The following SGCD variants were observed in gnomAD, a reference collection of about 807,000 sequenced individuals.
The protein encoded by SGCD is delta-sarcoglycan.
A neutral mutation model predicts 36.6 loss-of-function variants in SGCD; 18 were observed. The observed-to-expected ratio is 0.49, with a 90% CI of 0.34 to 0.73. SGCD has a LOEUF of 0.73. Ranked by LOEUF, SGCD falls within the 30% of genes least tolerant of loss-of-function variation. The pLI is 0.01. For missense variants in SGCD, 387 were observed against 346.7 expected (o/e 1.12, Z -0.92); for synonymous variants, 133 against 130.6 (o/e 1.02, Z -0.12).
At chr5:155,791,905 CTA>C in the SGCD span, among the ~76,000 whole-genome samples, 1 of 152,100 alleles carries the variant, frequency 6.6e-6, no homozygotes, top group Non-Finnish European at 1.5e-5. Context: ...TTAGAAAAAA[CTA>C]TTCTAAAATT....
At chr5:156,367,726 G>A (rs1213155267) in intron 3 of SGCD, among the ~76,000 whole-genome samples, 1 of 152,192 alleles carries the variant, frequency 6.6e-6, no homozygotes, top group Admixed American at 6.5e-5. Flanking sequence ...AGCCAGACGG[G>A]GAGTTAGCAT....
chr5:156,156,268 G>T (rs536332318), intron 3 of SGCD, among the ~76,000 whole-genome samples: 3 of 151,596 alleles, frequency 2.0e-5, no homozygotes, highest in African/African-American at 7.3e-5. Context: ...TAGAACTAAG[G>T]CTTCCTTAGT....
intron 7 of SGCD, among the ~76,000 whole-genome samples, chr5:156,723,478 C>A (rs1232459441): frequency 6.6e-6 from 1 of 152,202 alleles, no homozygotes. Context: ...TCTCTTTGTG[C>A]AGTTAATATT....
At chr5:156,339,288 G>A (rs1385460756) in intron 2 of SGCD, among the ~76,000 whole-genome samples, 2 of 152,158 alleles carry the variant, frequency 1.3e-5, no homozygotes, top group African/African-American at 2.4e-5. Context: ...TGATCCTTAA[G>A]TCAAGTGGAT....
intron 1 of SGCD, among the ~76,000 whole-genome samples, chr5:155,881,251 G>T (rs1755877026): frequency 6.6e-6 from 1 of 151,284 alleles, no homozygotes; most frequent in South Asian, 2.1e-4. Flanking sequence ...TACAGGCATA[G>T]CTTGGAGAGA....
intron 3 of SGCD, among the ~76,000 whole-genome samples, chr5:156,435,974 T>C (rs1753223899): frequency 6.6e-6 from 1 of 152,186 alleles, no homozygotes; most frequent in Admixed American, 6.6e-5. Flanking sequence ...TGAATATTCT[T>C]TCCTCCAAGT....
chr5:156,028,655 A>G (rs1012170116), intron 1 of SGCD, among the ~76,000 whole-genome samples: 3 of 152,148 alleles, frequency 2.0e-5, no homozygotes, highest in East Asian at 1.9e-4. Flanking sequence ...TGATTTTCCT[A>G]TGCTTCTGTA....
intron 3 of SGCD, among the ~76,000 whole-genome samples, chr5:156,228,706 T>C (rs1387014821): frequency 6.7e-6 from 1 of 150,348 alleles, no homozygotes; most frequent in Non-Finnish European, 1.5e-5. Context: ...TACCGTGGTT[T>C]TTTGTTTTTG....
intron 7 of SGCD, among the ~76,000 whole-genome samples, chr5:156,677,042 A>G (rs1238255491): frequency 6.6e-6 from 1 of 152,148 alleles, no homozygotes; most frequent in Admixed American, 6.5e-5. Context: ...TAAACTTCTC[A>G]TTAGGAGAAC....
intron 3 of SGCD, among the ~76,000 whole-genome samples, chr5:156,188,208 G>A (rs1443344619): frequency 6.6e-6 from 1 of 152,196 alleles, no homozygotes; most frequent in Non-Finnish European, 1.5e-5. Context: ...AGCACCAGCT[G>A]TGTGCCTGGC....
chr5:155,990,257 CT>C (rs1325980855), intron 1 of SGCD, among the ~76,000 whole-genome samples: 1 of 152,060 alleles, frequency 6.6e-6, no homozygotes, highest in Non-Finnish European at 1.5e-5. Context: ...AAAAACATAC[CT>C]GTTTTATTTT....
chr5:156,211,599 C>T (rs1764445137), intron 3 of SGCD, among the ~76,000 whole-genome samples: 2 of 143,088 alleles, frequency 1.4e-5, no homozygotes, highest in Non-Finnish European at 3.0e-5. Flanking sequence ...CAGAGCGAGA[C>T]TCAGACTCAA....
intron 1 of SGCD, among the ~76,000 whole-genome samples, chr5:155,877,447 T>C (rs1755790882): frequency 6.6e-6 from 1 of 152,156 alleles, no homozygotes; most frequent in African/African-American, 2.4e-5. Flanking sequence ...TCTGGAGTAA[T>C]AGGGCCTTTC....
Position 156,518,345 on chromosome 5 carries a change from C to A in SGCD, c.294+9643C>A, listed in dbSNP as rs138780819. On this transcript the variant is annotated intron_variant, in intron 4 of 8. Coordinates refer to ENST00000337851, the MANE Select transcript of SGCD (RefSeq NM_000337.6). ...AGCACCCAGATTCATAAAACAAGTTCTTAGAGACCTACAAAGAGACTTAGA... is the reference window on the plus strand; with the variant it reads ...AGCACCCAGATTCATAAAACAAGTTATTAGAGACCTACAAAGAGACTTAGA... Among the ~76,000 whole-genome samples the A allele has an allele frequency of 2.5e-4, 38 of 152,276 alleles. No homozygotes were observed. In the East Asian group the frequency reaches 6.6e-3, roughly 26 times the overall value.
intron 3 of SGCD, among the ~76,000 whole-genome samples, chr5:156,297,791 A>AAAAT (rs34901027): frequency 0.06 from 8,612 of 144,328 alleles, 299 homozygotes; most frequent in Non-Finnish European, 0.079. Context: ...GTATAATAAA[A>AAAAT]AAATAAATAA....
At chr5:156,401,620 T>C (rs1361992576) in intron 3 of SGCD, among the ~76,000 whole-genome samples, 2 of 152,162 alleles carry the variant, frequency 1.3e-5, no homozygotes, top group South Asian at 2.1e-4. Flanking sequence ...TAGATATTTA[T>C]TGAGAACTCA....
At chr5:156,454,353 C>T (rs1397212879) in intron 3 of SGCD, among the ~76,000 whole-genome samples, 1 of 152,058 alleles carries the variant, frequency 6.6e-6, no homozygotes, top group Non-Finnish European at 1.5e-5. Context: ...CTATTAAATT[C>T]TGATGAAAGA....
At chr5:155,805,949 A>T in the SGCD span, among the ~76,000 whole-genome samples, 1 of 152,174 alleles carries the variant, frequency 6.6e-6, no homozygotes, top group Admixed American at 6.5e-5. Flanking sequence ...GAAGCAGACC[A>T]TATTGGGGCT....
At chr5:156,279,935 G>A (rs866764187) in intron 3 of SGCD, among the ~76,000 whole-genome samples, 21 of 151,860 alleles carry the variant, frequency 1.4e-4, no homozygotes, top group African/African-American at 4.8e-4. Context: ...CTGTGAAATG[G>A]TTGGAGCATA....
Sources: gnomAD v4.1 joint callset for allele counts (sites outside exome capture counted in the v4.1 genomes callset) on GRCh38, gnomAD v4.1.1 for gene constraint, MANE v1.5 for transcripts, NCBI Gene and HGNC (gene_info 2026-07-23, HGNC 2026-07-21) for gene names.